ARL13B: variants seen among roughly 807,000 people sequenced by gnomAD.
ARL13B encodes ADP-ribosylation factor-like protein 13B.
Under a neutral mutation model 56.1 loss-of-function variants are expected in ARL13B, and 36 were observed. That is an observed-to-expected ratio of 0.64 (90% CI 0.49 to 0.85). The LOEUF (loss-of-function observed/expected upper bound fraction) is 0.85. Ranked by LOEUF, ARL13B falls within the 40% of genes least tolerant of loss-of-function variation. The pLI, the probability that ARL13B is intolerant of heterozygous loss-of-function variation, is 0.00. For missense variants in ARL13B, 519 were observed against 507.1 expected (o/e 1.02, Z -0.23); for synonymous variants, 178 against 171.1 (o/e 1.04, Z -0.32).
At chr3:94,022,699 T>C (rs768162437) in intron 3 of ARL13B, among the ~76,000 whole-genome samples, 22 of 152,092 alleles carry the variant, frequency 1.4e-4, no homozygotes, top group Non-Finnish European at 2.8e-4. Flanking sequence ...AAAATGAATA[T>C]ATTTAAGAAA....
At chr3:94,029,301 C>CATAT (rs1242349606) in intron 3 of ARL13B, among the ~76,000 whole-genome samples, 2,376 of 77,010 alleles carry the variant, frequency 0.031, 52 homozygotes, top group East Asian at 0.049. Context: ...CTATCAAAAT[C>CATAT]ATATATATAT....
At chr3:94,029,334 ATTTATT>A (rs2076625868) in intron 3 of ARL13B, among the ~76,000 whole-genome samples, 1 of 53,438 alleles carries the variant, frequency 1.9e-5, no homozygotes, top group Non-Finnish European at 3.5e-5. Flanking sequence ...ATATATATAT[ATTTATT>A]TTTTTTTTAT....
chr3:94,003,320 G>A (rs1296659914), intron 2 of ARL13B, among the ~76,000 whole-genome samples: 1 of 152,084 alleles, frequency 6.6e-6, no homozygotes, highest in Non-Finnish European at 1.5e-5. Flanking sequence ...GGATGGCTAT[G>A]GTATTGAAAG....
At chr3:94,044,283 TGAG>T (rs1393736620) in intron 7 of ARL13B, among the ~76,000 whole-genome samples, 2 of 144,112 alleles carry the variant, frequency 1.4e-5, no homozygotes, top group South Asian at 2.2e-4. Context: ...GTCTGGGAAG[TGAG>T]GAGCGCCTCT....
chr3:94,006,145 T>TA (rs1299976499), intron 3 of ARL13B, among the ~76,000 whole-genome samples: 1 of 151,872 alleles, frequency 6.6e-6, no homozygotes, highest in Non-Finnish European at 1.5e-5. Flanking sequence ...ACTAAAAATA[T>TA]AAAAAATTAG....
chr3:94,009,074 A>AAGACAGAT, intron 3 of ARL13B, among the ~76,000 whole-genome samples: 1 of 143,968 alleles, frequency 6.9e-6, no homozygotes, highest in Non-Finnish European at 1.5e-5. Context: ...AGGAGCAGTA[A>AAGACAGAT]AGATAGATAG....
chr3:93,988,787 T>TGCA, intron 1 of ARL13B: 1 of 43,890 alleles, frequency 2.3e-5, no homozygotes, highest in Non-Finnish European at 8.0e-5. Context: ...TTTGTTTGCA[T>TGCA]TTTTTTTTTT....
intron 3 of ARL13B, among the ~76,000 whole-genome samples, chr3:94,031,945 T>G (rs2076684240): frequency 6.6e-6 from 1 of 152,194 alleles, no homozygotes; most frequent in African/African-American, 2.4e-5. Flanking sequence ...CATTAAAGAC[T>G]TAATGTAAGA....
chr3:94,050,972 C>A, intron 9 of ARL13B, 80 bp downstream of exon 9: 1 of 1,376,934 alleles, frequency 7.3e-7, no homozygotes, highest in Non-Finnish European at 1.0e-6. Flanking sequence ...TTTCAACAAA[C>A]TTATGTTTTA....
chr3:94,004,301 T>C (rs1002174144), intron 3 of ARL13B, among the ~76,000 whole-genome samples: 2 of 152,304 alleles, frequency 1.3e-5, no homozygotes, highest in African/African-American at 4.8e-5. Flanking sequence ...TTCAGAGTTA[T>C]GTAAACAGTT....
chr3:93,988,062 A>G (rs1335074917), intron 1 of ARL13B, among the ~76,000 whole-genome samples: 1 of 152,136 alleles, frequency 6.6e-6, no homozygotes, highest in Admixed American at 6.5e-5. Flanking sequence ...TACACGTTCT[A>G]CCAATTCACA....
At chr3:94,003,152 C>T (rs770305869) in intron 2 of ARL13B, among the ~76,000 whole-genome samples, 85 of 152,236 alleles carry the variant, frequency 5.6e-4, no homozygotes, top group Non-Finnish European at 9.3e-4. Context: ...TGCCCTTAAA[C>T]GTCTCTTTAT....
At chr3:94,005,458 C>T (rs1268056649) in intron 3 of ARL13B, among the ~76,000 whole-genome samples, 2 of 152,166 alleles carry the variant, frequency 1.3e-5, no homozygotes, top group African/African-American at 2.4e-5. Flanking sequence ...GGCTCAAAGT[C>T]GGGGTATACA....
chr3:94,036,034 C>T (rs1414849906), intron 4 of ARL13B, among the ~76,000 whole-genome samples: 1 of 152,116 alleles, frequency 6.6e-6, no homozygotes, highest in Non-Finnish European at 1.5e-5. Flanking sequence ...AATTCAGCCA[C>T]TGCACTCCAG....
chr3:94,006,845 T>G (rs2076144014), intron 3 of ARL13B, among the ~76,000 whole-genome samples: 1 of 152,094 alleles, frequency 6.6e-6, no homozygotes, highest in African/African-American at 2.4e-5. Flanking sequence ...GCCTGGCATA[T>G]AATAGGTCTG....
chr3:94,035,445 T>G lies in ARL13B; in HGVS notation c.486+9T>G. The G allele has an allele frequency of 1.3e-6, 2 of 1,526,654 alleles. No homozygotes were observed. Among genetic ancestry groups the G allele is most frequent in the South Asian group, 1.2e-5 (1 of 81,240 alleles). The allele number at this position is 1,526,654 out of a possible 1,614,324, so 94.6% of individuals were successfully genotyped here. A position where few individuals can be genotyped will look rare whatever the true frequency, so the allele number is the denominator to read the frequency against. On this transcript the variant is annotated intron_variant, in intron 4 of 9. Transcript: ENST00000394222. ...AGTGCCTGTGTCAGATAGTAAGGTT[T>G]TTTTTTTTTTTTTAATTTTAATTTT...
At chr3:94,029,369 A>T (rs2076633257) in intron 3 of ARL13B, among the ~76,000 whole-genome samples, 1 of 112,120 alleles carries the variant, frequency 8.9e-6, no homozygotes, top group African/African-American at 3.6e-5. Flanking sequence ...TTTTTTGAGA[A>T]GGAGTCTTGC....
intron 3 of ARL13B, among the ~76,000 whole-genome samples, chr3:94,011,315 C>T (rs1041673391): frequency 5.3e-5 from 8 of 152,090 alleles, no homozygotes; most frequent in African/African-American, 1.7e-4. Flanking sequence ...ATTAGTAATA[C>T]GTGACTGTGA....
At chr3:93,989,387 A>G (rs1710627761) in intron 1 of ARL13B, among the ~76,000 whole-genome samples, 1 of 152,152 alleles carries the variant, frequency 6.6e-6, no homozygotes, top group Non-Finnish European at 1.5e-5. Flanking sequence ...GTTCTGGTAG[A>G]GGAGCCTGTA....
Sources: allele counts gnomAD v4.1 joint callset (sites outside exome capture counted in the v4.1 genomes callset), GRCh38; gene constraint gnomAD v4.1.1; transcripts MANE v1.5; gene names NCBI Gene and HGNC (gene_info 2026-07-23, HGNC 2026-07-21).